The following RHOA variants were observed in gnomAD, a reference collection of about 807,000 sequenced individuals.
The protein encoded by RHOA is ras homolog family member A.
Under a neutral mutation model 17.5 loss-of-function variants are expected in RHOA, and 3 were observed. The observed-to-expected ratio is 0.17, with a 90% CI of 0.08 to 0.44. RHOA has a LOEUF of 0.44. RHOA is among the 20% of genes least tolerant of loss of function. RHOA has a pLI of 0.99. For missense variants in RHOA, 56 were observed against 242.3 expected (o/e 0.23, Z 5.10); for synonymous variants, 98 against 88.4 (o/e 1.11, Z -0.61).
intron 1 of RHOA, among the ~76,000 whole-genome samples, chr3:49,387,757 A>C (rs1367605179): frequency 9.2e-5 from 14 of 151,490 alleles, no homozygotes; most frequent in Admixed American, 3.9e-4. Context: ...AAAAAACAAA[A>C]AAAAAAACCC....
intron 4 of RHOA, among the ~76,000 whole-genome samples, chr3:49,361,710 GTC>G (rs2047974594): frequency 1.3e-5 from 2 of 151,570 alleles, no homozygotes; most frequent in South Asian, 4.2e-4. Context: ...GAGAAAACCC[GTC>G]TCTACTAAAA....
intron 1 of RHOA, among the ~76,000 whole-genome samples, chr3:49,386,216 C>T (rs2107868886): frequency 6.8e-6 from 1 of 146,356 alleles, no homozygotes; most frequent in African/African-American, 2.5e-5. Flanking sequence ...ACATGGACGC[C>T]TTTCCATTTA....
intron 3 of RHOA, among the ~76,000 whole-genome samples, chr3:49,366,225 C>G (rs535723087): frequency 9.9e-5 from 15 of 152,252 alleles, no homozygotes; most frequent in African/African-American, 3.1e-4. Context: ...TGTCAACTAG[C>G]TCAAATTTTC....
At chr3:49,371,643 C>T (rs1476275267) in intron 2 of RHOA, among the ~76,000 whole-genome samples, 1 of 152,138 alleles carries the variant, frequency 6.6e-6, no homozygotes, top group Non-Finnish European at 1.5e-5. Flanking sequence ...CTTGGGGACT[C>T]TTGAGTTGCT....
intron 1 of RHOA, among the ~76,000 whole-genome samples, chr3:49,408,592 T>C (rs970778799): frequency 2.6e-5 from 4 of 152,180 alleles, no homozygotes; most frequent in African/African-American, 4.8e-5. Context: ...AGGGATTTTA[T>C]AGTAATTACA....
chr3:49,391,823 CTTTTTT>C lies in RHOA; in HGVS notation c.-2-16238_-2-16233del, dbSNP rs59591685. On this transcript the variant is annotated intron_variant, in intron 1 of 4. Coordinates refer to ENST00000418115, the MANE Select transcript of RHOA (RefSeq NM_001664.4). ...ACTGTGCCCGGCCTAATTAATTTATCTTTTTTTTTTTTTTTTTTTTTTGAGACAGCG... is the reference window on the plus strand; with the variant it reads ...ACTGTGCCCGGCCTAATTAATTTATCTTTTTTTTTTTTTTTTGAGACAGCG... Among the ~76,000 whole-genome samples the C allele has an allele frequency of 2.5e-3, 247 of 99,674 alleles. 2 individuals carry two copies. Among genetic ancestry groups the C allele is most frequent in the African/African-American group, 9.3e-3 (231 of 24,820 alleles). The allele number at this position is 99,674 out of a possible 152,430, so 65.4% of individuals were successfully genotyped here. A position where few individuals can be genotyped will look rare whatever the true frequency, so the allele number is the denominator to read the frequency against.
chr3:49,404,046 T>C (rs539222944), intron 1 of RHOA, among the ~76,000 whole-genome samples: 1 of 152,068 alleles, frequency 6.6e-6, no homozygotes, highest in African/African-American at 2.4e-5. Flanking sequence ...ATGCCCGTAC[T>C]TGCAGCACTT....
chr3:49,392,784 G>A (rs1288243001), intron 1 of RHOA, among the ~76,000 whole-genome samples: 8 of 152,172 alleles, frequency 5.3e-5, no homozygotes, highest in Admixed American at 2.6e-4. Flanking sequence ...AGACAACGCT[G>A]TTCTAAACAT....
intron 3 of RHOA, among the ~76,000 whole-genome samples, chr3:49,367,752 C>T (rs906788968): frequency 3.3e-5 from 5 of 151,904 alleles, no homozygotes; most frequent in African/African-American, 1.2e-4. Context: ...AAACTCCTGA[C>T]CTCAGGTGAT....
chr3:49,375,423 A>C lies in RHOA; in HGVS notation c.156+11T>G. ...GAAAATGGCATCAGTTGTTATGAAA[A>C]GTATACTCACCTGCTTTCCATCCAC... On this transcript the variant is annotated intron_variant, in intron 2 of 4. Transcript: ENST00000418115. 1 of 1,599,824 alleles carries C rather than the reference A, an allele frequency of 6.3e-7. No individual in the cohort carries two copies. Among genetic ancestry groups the C allele is most frequent in the Non-Finnish European group, 8.5e-7 (1 of 1,174,356 alleles).
At chr3:49,369,045 G>A (rs1322105353) in intron 2 of RHOA, among the ~76,000 whole-genome samples, 7 of 96,052 alleles carry the variant, frequency 7.3e-5, no homozygotes, top group Non-Finnish European at 3.8e-5. Flanking sequence ...TTTTTGTTGA[G>A]ACGGAGTCTT....
intron 1 of RHOA, among the ~76,000 whole-genome samples, chr3:49,405,721 G>A (rs764946169): frequency 2.0e-5 from 3 of 151,918 alleles, no homozygotes; most frequent in African/African-American, 7.3e-5. Context: ...ACGGAGTTTC[G>A]CTCTGTTGCC....
chr3:49,367,557 G>A (rs1406272149), intron 3 of RHOA, among the ~76,000 whole-genome samples: 1 of 151,260 alleles, frequency 6.6e-6, no homozygotes, highest in Non-Finnish European at 1.5e-5. Flanking sequence ...TTTTTTTTTG[G>A]GAGATGGAGT....
chr3:49,389,414 G>A (rs537787937), intron 1 of RHOA, among the ~76,000 whole-genome samples: 3 of 152,270 alleles, frequency 2.0e-5, no homozygotes, highest in African/African-American at 7.2e-5. Flanking sequence ...TTGGGGTTCA[G>A]CAGCACTTGC....
chr3:49,399,411 GATT>G (rs1255566892), intron 1 of RHOA, among the ~76,000 whole-genome samples: 3 of 151,606 alleles, frequency 2.0e-5, no homozygotes, highest in Non-Finnish European at 4.4e-5. Flanking sequence ...TCTGAGACAA[GATT>G]ATTAAATGAA....
rs554268980 is a variant in RHOA, at chr3:49,371,250, T to C, written c.157-2702A>G. On this transcript the variant is annotated intron_variant, in intron 2 of 4. Transcript: ENST00000418115. The stretch of plus-strand genomic sequence containing the variant: ...GGTACCATGATCACCTACAATCTTG[T>C]ATGGTTCCCTAGGCTGTACTATTGC... Among the ~76,000 whole-genome samples, 4 of 152,088 alleles carry C rather than the reference T, an allele frequency of 2.6e-5. No individual in the cohort carries two copies. The South Asian group carries it at 8.3e-4, about 32-fold the overall frequency.
chr3:49,399,702 T>C (rs2048690241), intron 1 of RHOA, among the ~76,000 whole-genome samples: 1 of 151,876 alleles, frequency 6.6e-6, no homozygotes, highest in Non-Finnish European at 1.5e-5. Context: ...CTGCCCCAAG[T>C]GCTGGGATTA....
intron 1 of RHOA, among the ~76,000 whole-genome samples, chr3:49,405,334 G>A (rs776986828): frequency 7.2e-5 from 11 of 151,996 alleles, no homozygotes; most frequent in African/African-American, 1.4e-4. Context: ...GGGAGGCTGA[G>A]GCAGGAGAAT....
intron 1 of RHOA, among the ~76,000 whole-genome samples, chr3:49,386,144 A>G (rs1403650882): frequency 2.6e-5 from 4 of 152,190 alleles, no homozygotes; most frequent in Non-Finnish European, 4.4e-5. Flanking sequence ...AATTACACTG[A>G]ATCTACAGAT....
Sources: allele counts gnomAD v4.1 joint callset (sites outside exome capture counted in the v4.1 genomes callset), GRCh38; gene constraint gnomAD v4.1.1; transcripts MANE v1.5; gene names NCBI Gene and HGNC (gene_info 2026-07-23, HGNC 2026-07-21).